GRIN2A: variants seen among roughly 807,000 people sequenced by gnomAD.
GRIN2A encodes glutamate receptor ionotropic, NMDA 2A.
Under a neutral mutation model 113.4 loss-of-function variants are expected in GRIN2A, and 22 were observed. The observed-to-expected ratio is 0.19, with a 90% CI of 0.14 to 0.28. GRIN2A has a LOEUF of 0.28. Among genes scored for constraint, GRIN2A ranks in the 10% least tolerant of loss-of-function variants. The pLI, the probability that GRIN2A is intolerant of heterozygous loss-of-function variation, is 1.00. For missense variants in GRIN2A, 1,502 were observed against 1,887.0 expected, an observed-to-expected ratio of 0.80 and a Z score of 3.78; for synonymous variants, 827 against 738.4, an observed-to-expected ratio of 1.12 and a Z score of -1.94.
intron 4 of GRIN2A, among the ~76,000 whole-genome samples, chr16:9,861,262 T>C (rs1001432142): frequency 6.6e-6 from 1 of 152,142 alleles, no homozygotes; most frequent in Admixed American, 6.5e-5. Context: ...AGTAATTAAC[T>C]CTTCAGGAAG....
chr16:10,018,783 G>T (rs837702), intron 2 of GRIN2A, among the ~76,000 whole-genome samples: 2 of 151,934 alleles, frequency 1.3e-5, no homozygotes, highest in African/African-American at 2.4e-5. Flanking sequence ...CCCAACCCGA[G>T]GTTGCTCTGA....
chr16:10,108,257 G>C (rs190215709), intron 2 of GRIN2A, among the ~76,000 whole-genome samples: 13 of 152,352 alleles, frequency 8.5e-5, no homozygotes, highest in East Asian at 1.9e-4. Flanking sequence ...AGCAGGCAAA[G>C]ACAGAGAGCT....
intron 2 of GRIN2A, among the ~76,000 whole-genome samples, chr16:10,123,818 GT>G (rs2048877226): frequency 6.6e-6 from 1 of 152,174 alleles, no homozygotes; most frequent in African/African-American, 2.4e-5. Flanking sequence ...AGCCTCCACT[GT>G]TTACCCTTTC....
intron 5 of GRIN2A, among the ~76,000 whole-genome samples, chr16:9,846,278 G>A (rs866343169): frequency 6.6e-6 from 1 of 152,162 alleles, no homozygotes; most frequent in Non-Finnish European, 1.5e-5. Flanking sequence ...GGGAGCCACA[G>A]TGGGGACACT....
intron 11 of GRIN2A, among the ~76,000 whole-genome samples, chr16:9,792,650 GATAAAT>G (rs1250476959): frequency 6.6e-6 from 1 of 151,358 alleles, no homozygotes; most frequent in Non-Finnish European, 1.5e-5. Context: ...TAACATACAT[GATAAAT>G]ATATACATTT....
chr16:9,977,484 A>G (rs1314987535), intron 2 of GRIN2A, among the ~76,000 whole-genome samples: 1 of 152,216 alleles, frequency 6.6e-6, no homozygotes, highest in Non-Finnish European at 1.5e-5. Flanking sequence ...ATTGCATGCC[A>G]TCTGCCAGAT....
upstream of GRIN2A, chr16:10,182,774 T>A: frequency 6.6e-6 from 1 of 152,202 alleles, no homozygotes; most frequent in Admixed American, 6.5e-5. Context: ...CCCTAGGAGC[T>A]CCCCTCCAAG....
chr16:10,040,755 C>T (rs1378587071), intron 2 of GRIN2A, among the ~76,000 whole-genome samples: 1 of 152,256 alleles, frequency 6.6e-6, no homozygotes, highest in African/African-American at 2.4e-5. Context: ...GACACACCCA[C>T]GCAACCCTCA....
intron 2 of GRIN2A, among the ~76,000 whole-genome samples, chr16:9,973,785 G>A (rs946690636): frequency 6.6e-6 from 1 of 151,806 alleles, no homozygotes; most frequent in Non-Finnish European, 1.5e-5. Flanking sequence ...TAAGTGCTGG[G>A]GGGAAAAAAA....
chr16:9,830,584 G>A (rs1308631741), intron 8 of GRIN2A, among the ~76,000 whole-genome samples: 1 of 151,632 alleles, frequency 6.6e-6, no homozygotes. Flanking sequence ...ATGAAGATAT[G>A]AAAAAATGAT....
chr16:9,856,895 A>C (rs1274208859), intron 4 of GRIN2A, among the ~76,000 whole-genome samples: 1 of 152,172 alleles, frequency 6.6e-6, no homozygotes, highest in Admixed American at 6.5e-5. Flanking sequence ...ACAAAAAAAA[A>C]AGACTAACTT....
At chr16:9,823,874 A>G (rs1472281900) in intron 9 of GRIN2A, among the ~76,000 whole-genome samples, 4 of 152,250 alleles carry the variant, frequency 2.6e-5, no homozygotes, top group African/African-American at 9.6e-5. Context: ...ATCTAGACAT[A>G]AAGATTTAAA....
intron 2 of GRIN2A, among the ~76,000 whole-genome samples, chr16:10,097,946 C>A (rs914880191): frequency 6.6e-6 from 1 of 152,138 alleles, no homozygotes; most frequent in Non-Finnish European, 1.5e-5. Context: ...ATAGGCGGTA[C>A]TTAATTAAAC....
At chr16:9,924,932 T>C (rs530151626) in intron 3 of GRIN2A, among the ~76,000 whole-genome samples, 18 of 152,318 alleles carry the variant, frequency 1.2e-4, no homozygotes, top group African/African-American at 4.3e-4. Context: ...GAGTTAGAGT[T>C]ACTCTCTATA....
At chr16:9,970,673 G>T in intron 2 of GRIN2A, 1 of 456,336 alleles carries the variant, frequency 2.2e-6, no homozygotes. Context: ...ATGTATTAAG[G>T]ATCTCTGATG....
At chr16:9,983,598 C>T (rs1026354873) in intron 2 of GRIN2A, among the ~76,000 whole-genome samples, 1 of 152,068 alleles carries the variant, frequency 6.6e-6, no homozygotes, top group Non-Finnish European at 1.5e-5. Flanking sequence ...CGCCACTATA[C>T]CCAGCTAATT....
chr16:10,039,838 G>GAGAGGGAGAGAGGAC (rs1567254030), intron 2 of GRIN2A, among the ~76,000 whole-genome samples: 3 of 95,836 alleles, frequency 3.1e-5, no homozygotes, highest in African/African-American at 1.4e-4. Context: ...AGAGAGAGGA[G>GAGAGGGAGAGAGGAC]TCCTGGTCCA....
intron 2 of GRIN2A, among the ~76,000 whole-genome samples, chr16:10,001,534 C>T (rs1006948361): frequency 2.0e-5 from 3 of 152,128 alleles, no homozygotes; most frequent in African/African-American, 4.8e-5. Flanking sequence ...TGGCTGATGC[C>T]CCATCGTGAA....
At chr16:9,870,839 T>C (rs566403468) in intron 4 of GRIN2A, among the ~76,000 whole-genome samples, 27 of 152,144 alleles carry the variant, frequency 1.8e-4, no homozygotes, top group Non-Finnish European at 3.1e-4. Context: ...GGTTTCACTG[T>C]GTTGCCCAGG....
Sources: allele counts gnomAD v4.1 joint callset (sites outside exome capture counted in the v4.1 genomes callset), GRCh38; gene constraint gnomAD v4.1.1; transcripts MANE v1.5; gene names NCBI Gene and HGNC (gene_info 2026-07-23, HGNC 2026-07-21).